The following DAPK2 variants were observed in gnomAD, a reference collection of about 807,000 sequenced individuals.
DAPK2 encodes death-associated protein kinase 2.
Under a neutral mutation model 44.1 loss-of-function variants are expected in DAPK2, and 35 were observed. The observed-to-expected ratio is 0.79, with a 90% CI of 0.61 to 1.05. The LOEUF (loss-of-function observed/expected upper bound fraction) is 1.05. DAPK2 is among the 50% of genes least tolerant of loss of function. DAPK2 has a pLI of 0.00. For synonymous variants in DAPK2, 174 were observed against 182.6 expected (o/e 0.95, Z 0.38); for missense variants, 453 against 483.2 (o/e 0.94, Z 0.59).
At chr15:63,914,277 T>C (rs1215123782) in intron 8 of DAPK2, among the ~76,000 whole-genome samples, 2 of 151,050 alleles carry the variant, frequency 1.3e-5, no homozygotes, top group Non-Finnish European at 3.0e-5. Context: ...AACCTGGAAG[T>C]GGATGGGAGA....
chr15:64,002,867 C>T (rs1365638827), intron 1 of DAPK2, among the ~76,000 whole-genome samples: 2 of 150,188 alleles, frequency 1.3e-5, no homozygotes, highest in Non-Finnish European at 1.5e-5. Flanking sequence ...ATTAATGAAA[C>T]CAGCAGCAGA....
In DAPK2 at chr15:63,911,884, AG is replaced by A. The variant is rs1349061578; in HGVS notation, c.1032+23del. Reference sequence around the variant, plus strand: ...CCAGGCTACCCCAGAATTCTGCCCAAGAAGAGGGCATGCATTTACCCACCAG... The same window carrying A: ...CCAGGCTACCCCAGAATTCTGCCCAAAAGAGGGCATGCATTTACCCACCAG... On this transcript the variant is annotated intron_variant, in intron 10 of 10. Coordinates refer to ENST00000261891, the Ensembl canonical transcript of DAPK2. 3 of 1,609,190 alleles carry A rather than the reference AG, an allele frequency of 1.9e-6. No individual in the cohort carries two copies. In the African/African-American group the frequency reaches 4.0e-5, roughly 21 times the overall value.
At chr15:63,919,687 T>C (rs2079021319) in intron 8 of DAPK2, 1 of 152,206 alleles carries the variant, frequency 6.6e-6, no homozygotes, top group Admixed American at 6.5e-5. Context: ...GATTTCTCCA[T>C]GTTGGCCAGG....
At chr15:64,036,309 G>GTGTGTATATATGTATATA (rs1255068392) in intron 1 of DAPK2, among the ~76,000 whole-genome samples, 5 of 60,526 alleles carry the variant, frequency 8.3e-5, no homozygotes, top group Non-Finnish European at 2.0e-4. Context: ...GTGTGTGTGT[G>GTGTGTATATATGTATATA]TATATATATG....
At chr15:63,998,210 T>C (rs774867617) in intron 1 of DAPK2, among the ~76,000 whole-genome samples, 2 of 152,148 alleles carry the variant, frequency 1.3e-5, no homozygotes, top group Non-Finnish European at 2.9e-5. Context: ...TTCTTACCCA[T>C]GGGTGCAGGC....
At chr15:63,962,007 C>G in intron 3 of DAPK2, among the ~76,000 whole-genome samples, 1 of 152,318 alleles carries the variant, frequency 6.6e-6, no homozygotes, top group Middle Eastern at 3.4e-3. Flanking sequence ...GGTCTTTTCA[C>G]GTAGTCCATA....
At chr15:64,016,650 G>A (rs142297953) in intron 1 of DAPK2, among the ~76,000 whole-genome samples, 31 of 152,220 alleles carry the variant, frequency 2.0e-4, no homozygotes, top group Admixed American at 4.6e-4. Flanking sequence ...TAAATTAGCC[G>A]GGCATGTTTG....
chr15:64,029,587 T>G (rs1212297670), intron 1 of DAPK2, among the ~76,000 whole-genome samples: 1 of 152,180 alleles, frequency 6.6e-6, no homozygotes, highest in African/African-American at 2.4e-5. Context: ...CTCATTTCAT[T>G]TGCTAAGGAG....
chr15:64,024,622 C>T (rs1483733692), intron 1 of DAPK2, among the ~76,000 whole-genome samples: 1 of 152,164 alleles, frequency 6.6e-6, no homozygotes, highest in African/African-American at 2.4e-5. Flanking sequence ...GATTCCAGTG[C>T]CCAGAACAGT....
At chr15:63,918,476 G>A (rs2414844) in intron 8 of DAPK2, 66,624 of 152,184 alleles carry the variant, frequency 0.44, 16,963 homozygotes, top group East Asian at 0.93. Flanking sequence ...TATTCAGGGC[G>A]ATGTCATACA....
At chr15:63,952,689 G>T (rs1456515147) in intron 3 of DAPK2, among the ~76,000 whole-genome samples, 2 of 151,710 alleles carry the variant, frequency 1.3e-5, no homozygotes, top group African/African-American at 4.9e-5. Context: ...CATAGTAGGT[G>T]TATATATTTA....
chr15:64,002,957 T>TGGGGGG (rs2079127722), intron 1 of DAPK2, among the ~76,000 whole-genome samples: 1 of 111,204 alleles, frequency 9.0e-6, no homozygotes, highest in African/African-American at 3.4e-5. Flanking sequence ...TGTGTGTGTG[T>TGGGGGG]GTGTGTGTCG....
At chr15:63,964,188 C>T (rs1456888818) in intron 3 of DAPK2, among the ~76,000 whole-genome samples, 2 of 152,144 alleles carry the variant, frequency 1.3e-5, no homozygotes, top group Non-Finnish European at 2.9e-5. Context: ...CTTTATTTCT[C>T]CTTTATGTTT....
intron 3 of DAPK2, among the ~76,000 whole-genome samples, chr15:63,967,930 G>A (rs890661714): frequency 1.3e-5 from 2 of 152,214 alleles, no homozygotes; most frequent in African/African-American, 4.8e-5. Context: ...GGGTAAGGGT[G>A]TGGAGACAAC....
chr15:64,010,940 G>A (rs2079373999), intron 1 of DAPK2, among the ~76,000 whole-genome samples: 1 of 152,176 alleles, frequency 6.6e-6, no homozygotes, highest in South Asian at 2.1e-4. Context: ...AATCTGCAGG[G>A]CACCAGCAAC....
intron 3 of DAPK2, among the ~76,000 whole-genome samples, chr15:63,949,635 C>CAGG (rs1362622105): frequency 6.6e-6 from 1 of 152,188 alleles, no homozygotes; most frequent in Admixed American, 6.5e-5. Context: ...TCCAACTCAC[C>CAGG]AGGAGTTGGC....
intron 7 of DAPK2, 55 bp from the exon 9 acceptor site, chr15:63,924,916 A>G: frequency 6.3e-7 from 1 of 1,589,916 alleles, no homozygotes; most frequent in East Asian, 2.2e-5. Context: ...GTTGGGAGCA[A>G]CCATCTCCGT....
chr15:64,015,308 G>C (rs1193865305), intron 1 of DAPK2, among the ~76,000 whole-genome samples: 1 of 147,230 alleles, frequency 6.8e-6, no homozygotes, highest in Non-Finnish European at 1.5e-5. Flanking sequence ...GCTAATCCCA[G>C]AGCTGCTCTG....
At chr15:63,975,371 C>T (rs2078314745) in intron 2 of DAPK2, among the ~76,000 whole-genome samples, 3 of 152,146 alleles carry the variant, frequency 2.0e-5, no homozygotes, top group African/African-American at 7.2e-5. Flanking sequence ...ATTCATTGAA[C>T]ACATACTCTA....
Sources: gnomAD v4.1 joint callset for allele counts (sites outside exome capture counted in the v4.1 genomes callset) on GRCh38, gnomAD v4.1.1 for gene constraint, MANE v1.5 for transcripts, NCBI Gene and HGNC (gene_info 2026-07-23, HGNC 2026-07-21) for gene names.